The following TXLNB variants were observed in gnomAD, a reference collection of about 807,000 sequenced individuals.
The protein encoded by TXLNB is beta-taxilin.
TXLNB carries 37 observed loss-of-function variants against 57.4 expected under a neutral mutation model. The observed-to-expected ratio is 0.64, with a 90% CI of 0.50 to 0.85. The LOEUF is 0.85. TXLNB is among the 40% of genes least tolerant of loss of function. The pLI is 0.00. For missense variants in TXLNB, 848 were observed against 825.6 expected (o/e 1.03, Z -0.33); for synonymous variants, 302 against 309.6 (o/e 0.98, Z 0.26).
At chr6:139,210,957 C>A in the TXLNB span, among the ~76,000 whole-genome samples, 1 of 152,226 alleles carries the variant, frequency 6.6e-6, no homozygotes, top group Non-Finnish European at 1.5e-5. Context: ...ACTGCTCAGG[C>A]TTGAGTAGGT....
chr6:139,304,315 C>G, the TXLNB span, among the ~76,000 whole-genome samples: 93 of 152,278 alleles, frequency 6.1e-4, no homozygotes, highest in African/African-American at 2.1e-3. Flanking sequence ...AGTAGAAAGA[C>G]TCCATAATTT....
chr6:139,288,045 G>A (rs566730854), intron 2 of TXLNB, among the ~76,000 whole-genome samples: 1 of 152,222 alleles, frequency 6.6e-6, no homozygotes, highest in Non-Finnish European at 1.5e-5. Flanking sequence ...CCTTGTGGGC[G>A]ATGGAGCATA....
chr6:139,289,747 A>G (rs1020415341), intron 1 of TXLNB, among the ~76,000 whole-genome samples: 2 of 152,364 alleles, frequency 1.3e-5, no homozygotes, highest in East Asian at 3.9e-4. Flanking sequence ...GTAGATTAAC[A>G]ATCACTGGGG....
At chr6:139,283,680 C>A (rs1237700470) in intron 2 of TXLNB, among the ~76,000 whole-genome samples, 3 of 144,588 alleles carry the variant, frequency 2.1e-5, no homozygotes, top group African/African-American at 7.7e-5. Flanking sequence ...ATTGTGTATA[C>A]AGTAAAGGTC....
At chr6:139,321,653 T>TG in the TXLNB span, among the ~76,000 whole-genome samples, 1 of 148,184 alleles carries the variant, frequency 6.7e-6, no homozygotes, top group Non-Finnish European at 1.5e-5. Context: ...TTTTTTTTTT[T>TG]TTGAGATGGA....
At chr6:139,236,892 C>T (rs925175274), downstream of TXLNB, among the ~76,000 whole-genome samples, 1 of 152,110 alleles carries the variant, frequency 6.6e-6, no homozygotes, top group African/African-American at 2.4e-5. Flanking sequence ...GATTACAGAC[C>T]TGAGCCACTG....
chr6:139,278,696 G>T, intron 2 of TXLNB, among the ~76,000 whole-genome samples: 1 of 152,178 alleles, frequency 6.6e-6, no homozygotes, highest in South Asian at 2.1e-4. Context: ...CTCAGTAAAT[G>T]ATGATAATAA....
At chr6:139,210,877 C>A in the TXLNB span, among the ~76,000 whole-genome samples, 1 of 152,382 alleles carries the variant, frequency 6.6e-6, no homozygotes, top group Non-Finnish European at 1.5e-5. Flanking sequence ...CGGAGCCTCA[C>A]TCATTACTAG....
intron 3 of TXLNB, among the ~76,000 whole-genome samples, chr6:139,276,094 ATAACT>A (rs1776887778): frequency 6.6e-6 from 1 of 152,238 alleles, no homozygotes; most frequent in African/African-American, 2.4e-5. Flanking sequence ...TTGTTTATAA[ATAACT>A]TAAATATGCC....
At chr6:139,233,930 G>A in the TXLNB span, among the ~76,000 whole-genome samples, 1 of 152,172 alleles carries the variant, frequency 6.6e-6, no homozygotes, top group Admixed American at 6.5e-5. Flanking sequence ...GAGACTTGAT[G>A]AATGGCTTTG....
intron 9 of TXLNB, 45 bp from the exon 10 acceptor site, chr6:139,243,359 C>G: frequency 6.5e-7 from 1 of 1,535,086 alleles, no homozygotes; most frequent in Non-Finnish European, 8.8e-7. Context: ...GATGAAATGA[C>G]ATGATAAGCA....
At chr6:139,214,341 C>T in the TXLNB span, among the ~76,000 whole-genome samples, 9 of 152,072 alleles carry the variant, frequency 5.9e-5, no homozygotes, top group African/African-American at 1.9e-4. Context: ...AATCAATAAA[C>T]GTAATCCAGC....
chr6:139,270,702 A>G, intron 3 of TXLNB, 76 bp from the exon 4 acceptor site: 3 of 1,309,660 alleles, frequency 2.3e-6, no homozygotes, highest in Non-Finnish European at 3.2e-6. Flanking sequence ...AAGCAAACCT[A>G]AAGATTACTC....
the TXLNB span, among the ~76,000 whole-genome samples, chr6:139,182,305 G>A: frequency 6.6e-6 from 1 of 152,104 alleles, no homozygotes; most frequent in African/African-American, 2.4e-5. Flanking sequence ...AAAGGACTTG[G>A]GATATGATTT....
intron 5 of TXLNB, among the ~76,000 whole-genome samples, chr6:139,261,897 G>C (rs1471918413): frequency 1.4e-5 from 2 of 143,032 alleles, no homozygotes; most frequent in Admixed American, 6.9e-5. Context: ...ATAGAATACA[G>C]ACTCTTTTTT....
At chr6:139,254,614 G>T (rs1333512177) in intron 7 of TXLNB, among the ~76,000 whole-genome samples, 1 of 152,164 alleles carries the variant, frequency 6.6e-6, no homozygotes, top group South Asian at 2.1e-4. Flanking sequence ...TCCAGAGTCA[G>T]CTGTGGCATA....
At chr6:139,162,015 C>T in the TXLNB span, among the ~76,000 whole-genome samples, 4 of 152,216 alleles carry the variant, frequency 2.6e-5, no homozygotes, top group Non-Finnish European at 2.9e-5. Flanking sequence ...ACTTCTGCTC[C>T]TCTTGTCATG....
At chr6:139,274,147 G>C (rs1776836230) in intron 3 of TXLNB, among the ~76,000 whole-genome samples, 1 of 152,018 alleles carries the variant, frequency 6.6e-6, no homozygotes, top group Non-Finnish European at 1.5e-5. Context: ...TTTCTCCCAG[G>C]CCATTTCCTA....
chr6:139,266,427 A>G (rs1753262317), intron 4 of TXLNB, among the ~76,000 whole-genome samples: 1 of 152,244 alleles, frequency 6.6e-6, no homozygotes, highest in African/African-American at 2.4e-5. Flanking sequence ...AAATTCTGAA[A>G]TTAAAAATCG....
Sources: gnomAD v4.1 joint callset for allele counts (sites outside exome capture counted in the v4.1 genomes callset) on GRCh38, gnomAD v4.1.1 for gene constraint, MANE v1.5 for transcripts, NCBI Gene and HGNC (gene_info 2026-07-23, HGNC 2026-07-21) for gene names.